Variants in AGFG2 observed in about 807,000 individuals in gnomAD.
The protein encoded by AGFG2 is arf-GAP domain and FG repeat-containing protein 2.
Under a neutral mutation model 48.0 loss-of-function variants are expected in AGFG2, and 31 were observed. The observed-to-expected ratio is 0.65, with a 90% CI of 0.49 to 0.87. The LOEUF is 0.87. AGFG2 is among the 40% of genes least tolerant of loss of function. AGFG2 has a pLI of 0.00. For synonymous variants in AGFG2, 229 were observed against 260.8 expected (o/e 0.88, Z 1.18); for missense variants, 599 against 632.6 (o/e 0.95, Z 0.57).
intron 1 of AGFG2, among the ~76,000 whole-genome samples, chr7:100,543,129 T>A (rs1174167042): frequency 6.6e-6 from 1 of 152,246 alleles, no homozygotes; most frequent in East Asian, 1.9e-4. Context: ...AGTGGTCCGA[T>A]CTTGGCTCAC....
rs1259184312 is a variant in AGFG2, at chr7:100,543,695, G to A, written c.221+4128G>A. The stretch of plus-strand genomic sequence containing the variant: ...TATGACTCTGCCTGCATCCCTGCAT[G>A]TATGAACTCATTCTTGTTCTCTCTT... On this transcript the variant is annotated intron_variant, in intron 1 of 11. Transcript: ENST00000300176. Among the ~76,000 whole-genome samples, 9 of 152,178 alleles carry A rather than the reference G, an allele frequency of 5.9e-5. No individual in the cohort carries two copies. In the South Asian group the frequency reaches 6.2e-4, roughly 11 times the overall value.
At chr7:100,554,343 C>T in intron 5 of AGFG2, 85 bp downstream of exon 5, 7 of 1,465,510 alleles carry the variant, frequency 4.8e-6, no homozygotes, top group South Asian at 1.4e-5. Flanking sequence ...AACCATGGCT[C>T]TAGATCTTCT....
intron 4 of AGFG2, 85 bp downstream of exon 4, chr7:100,553,585 A>C: frequency 6.8e-7 from 1 of 1,477,102 alleles, no homozygotes; most frequent in Non-Finnish European, 9.1e-7. Flanking sequence ...CCCCGGACTT[A>C]GCAGACAACA....
chr7:100,551,068 T>TATATATATATATATC (rs1800632184), intron 3 of AGFG2, among the ~76,000 whole-genome samples: 1 of 59,214 alleles, frequency 1.7e-5, no homozygotes. Context: ...ATATATATAT[T>TATATATATATATATC]TCTTTTTTTT....
At chr7:100,546,505 A>G (rs1751795927) in intron 1 of AGFG2, among the ~76,000 whole-genome samples, 1 of 152,240 alleles carries the variant, frequency 6.6e-6, no homozygotes, top group Non-Finnish European at 1.5e-5. Context: ...ACCCTACTGC[A>G]GTAAGAAGTA....
Position 100,565,082 on chromosome 7 carries a change from G to A in AGFG2, c.*91G>A. ...ACCACTTGCCTGTGGGCATTTCTAT[G>A]GGCCTTGGGGATGGTGGAGGTGCTA... is the stretch of plus-strand genomic sequence containing the variant. On this transcript the variant is annotated 3_prime_UTR_variant, in exon 12 of 12. Transcript: ENST00000300176. 1.2e-5 allele frequency: 17 copies of A among 1,409,056 alleles called. No individual in the cohort carries two copies. Among genetic ancestry groups the A allele is most frequent in the Non-Finnish European group, 1.5e-5 (15 of 994,444 alleles). The allele number at this position is 1,409,056 out of a possible 1,614,324, so 87.3% of individuals were successfully genotyped here.
In AGFG2 at chr7:100,539,402, A is replaced by G; in HGVS notation, c.56A>G (p.Lys19Arg). 1 of 1,306,346 alleles carries G rather than the reference A, an allele frequency of 7.7e-7. No individual in the cohort carries two copies. The highest frequency in any genetic ancestry group is 9.8e-7 in the Non-Finnish European group (1 of 1,024,628). The allele number at this position is 1,306,346 out of a possible 1,614,324, so 80.9% of individuals were successfully genotyped here. A position where few individuals can be genotyped will look rare whatever the true frequency, so the allele number is the denominator to read the frequency against. ...PGPGGGVSGGKAEAEAASEVW... is the reference protein window; with the variant it reads ...PGPGGGVSGGRAEAEAASEVW... ...CCGGGCGGCGGGGTCAGCGGGGGCAAGGCGGAGGCGGAGGCGGCCTCGGAG... is the reference window on the plus strand; with the variant it reads ...CCGGGCGGCGGGGTCAGCGGGGGCAGGGCGGAGGCGGAGGCGGCCTCGGAG... The change falls in exon 1 of 12, where the codon AAG becomes AGG. Residue 19 changes from lysine to arginine, a missense_variant. Lys to Arg is a conservative substitution (Grantham distance 26, BLOSUM62 2). Coordinates refer to ENST00000300176, the MANE Select transcript of AGFG2 (RefSeq NM_006076.5).
In AGFG2 at chr7:100,562,160, G is replaced by T; in HGVS notation, c.878-99G>T. 6.7e-7 allele frequency: 1 copy of T among 1,492,828 alleles called. No individual in the cohort carries two copies. The highest frequency in any genetic ancestry group is 1.3e-5 in the South Asian group (1 of 79,678). The allele number at this position is 1,492,828 out of a possible 1,614,324, so 92.5% of individuals were successfully genotyped here. A position where few individuals can be genotyped will look rare whatever the true frequency, so the allele number is the denominator to read the frequency against. ...ACCCAGCAGGCACCTGTCATGCCAT[G>T]ACTCCAATCCATCACCACCACCACC... On this transcript the variant is annotated intron_variant, in intron 6 of 11. Transcript: ENST00000300176. The surrounding 1 kb of genome is among the most constrained non-coding windows in gnomAD (Gnocchi z 5.4).
chr7:100,553,239 G>A, intron 3 of AGFG2, 108 bp from the exon 4 acceptor site: 1 of 1,377,904 alleles, frequency 7.3e-7, no homozygotes, highest in East Asian at 2.3e-5. Context: ...GGAATCAGTA[G>A]AGAAAAATGA....
In AGFG2 at chr7:100,556,257, G is replaced by A. The variant is rs1800757082; in HGVS notation, c.877+522G>A. On this transcript the variant is annotated intron_variant, in intron 6 of 11. Transcript: ENST00000300176. ...TTGAGCCCAGGAGTTTGAGGCTGTA[G>A]TGAGTGATTATTGTGCCATTGCACT... 10 of 195,900 alleles carry A rather than the reference G, an allele frequency of 5.1e-5. No individual in the cohort carries two copies. In the South Asian group the frequency reaches 8.3e-4, roughly 16 times the overall value. The allele number at this position is 195,900 out of a possible 1,614,324, so 12.1% of individuals were successfully genotyped here. A position where few individuals can be genotyped will look rare whatever the true frequency, so the allele number is the denominator to read the frequency against.
intron 6 of AGFG2, among the ~76,000 whole-genome samples, chr7:100,559,183 C>T (rs1055176584): frequency 5.3e-5 from 8 of 152,056 alleles, no homozygotes; most frequent in East Asian, 1.9e-4. Context: ...GGAACATTTC[C>T]GAGGATCCTG....
chr7:100,562,167 A>T lies in AGFG2; in HGVS notation c.878-92A>T. ...AGGCACCTGTCATGCCATGACTCCAATCCATCACCACCACCACCTCCATCT... is the reference window on the plus strand; with the variant it reads ...AGGCACCTGTCATGCCATGACTCCATTCCATCACCACCACCACCTCCATCT... On this transcript the variant is annotated intron_variant, in intron 6 of 11. Transcript: ENST00000300176. The surrounding 1 kb of genome is among the most constrained non-coding windows in gnomAD (Gnocchi z 5.4). 7 of 1,518,898 alleles carry T rather than the reference A, an allele frequency of 4.6e-6. No individual in the cohort carries two copies. In the Admixed American group the frequency reaches 1.3e-4, roughly 27 times the overall value. The allele number at this position is 1,518,898 out of a possible 1,614,324, so 94.1% of individuals were successfully genotyped here.
In AGFG2 at chr7:100,554,168, GC is replaced by G. The variant is rs764378309; in HGVS notation, c.663del (p.Ser222ValfsTer175). The G allele has an allele frequency of 1.5e-5, 25 of 1,614,148 alleles. No homozygotes were observed. The East Asian group carries it at 5.3e-4, about 35-fold the overall frequency. On this transcript the variant is annotated frameshift_variant, in exon 5 of 12. Coordinates refer to ENST00000300176, the MANE Select transcript of AGFG2 (RefSeq NM_006076.5). LOFTEE classifies it high-confidence loss of function. Reference protein sequence around the residue: ...QPPPHSSVKKASTDLLADIGG... With the variant: ...QPPPHSSVKKXSTDLLADIGG... The stretch of plus-strand genomic sequence containing the variant: ...ACCTCCCCACTCCTCTGTCAAAAAA[GC>G]CAGTACTGACCTGCTGGCTGACATC...
intron 2 of AGFG2, among the ~76,000 whole-genome samples, chr7:100,550,044 C>T (rs1800595920): frequency 6.6e-6 from 1 of 152,186 alleles, no homozygotes; most frequent in African/African-American, 2.4e-5. Flanking sequence ...CGCGGTGGCT[C>T]ATGCCTGTAA....
chr7:100,552,123 G>A (rs138992027), intron 3 of AGFG2, among the ~76,000 whole-genome samples: 21 of 151,616 alleles, frequency 1.4e-4, no homozygotes, highest in Non-Finnish European at 2.8e-4. Context: ...ATGGGCACCT[G>A]TAATCCGAGC....
At chr7:100,556,441 T>C (rs932570613) in intron 6 of AGFG2, 1 of 433,836 alleles carries the variant, frequency 2.3e-6, no homozygotes, top group Admixed American at 3.6e-5. Context: ...TCATAGCCTT[T>C]GGGTGCCTTC....
rs1800375662 is a variant in AGFG2, at chr7:100,539,408, A to C, written c.62A>C (p.Glu21Ala). 7.6e-7 allele frequency: 1 copy of C among 1,308,876 alleles called. No homozygotes were observed. Among genetic ancestry groups the C allele is most frequent in the Non-Finnish European group, 9.7e-7 (1 of 1,025,706 alleles). The allele number at this position is 1,308,876 out of a possible 1,614,324, so 81.1% of individuals were successfully genotyped here. A position where few individuals can be genotyped will look rare whatever the true frequency, so the allele number is the denominator to read the frequency against. ...GGCGGGGTCAGCGGGGGCAAGGCGG[A>C]GGCGGAGGCGGCCTCGGAGGTGTGG... ...PGGGVSGGKA[E>A]AEAASEVWCR... is the part of the protein sequence containing the mutation. Residue 21 changes from glutamate to alanine, a missense_variant, in exon 1 of 12, where the codon GAG becomes GCG. Glu to Ala is a moderately radical substitution (Grantham distance 107). Coordinates refer to ENST00000300176, the MANE Select transcript of AGFG2 (RefSeq NM_006076.5).
chr7:100,554,937 CA>C (rs749887106), intron 5 of AGFG2, among the ~76,000 whole-genome samples: 2,443 of 57,568 alleles, frequency 0.042, 31 homozygotes, highest in African/African-American at 0.14. Context: ...GACTCCGTCT[CA>C]AAAAAAAAAA....
chr7:100,555,871 G>A (rs1481781051), intron 6 of AGFG2, 136 bp downstream of exon 6: 1 of 1,247,346 alleles, frequency 8.0e-7, no homozygotes, highest in South Asian at 1.6e-5. Context: ...AGCTCCAGGA[G>A]AGGATGAGCG....
Sources: gnomAD v4.1 joint callset for allele counts (sites outside exome capture counted in the v4.1 genomes callset) on GRCh38, gnomAD v4.1.1 for gene constraint, Gnocchi (gnomAD v3.1) non-coding constraint, MANE v1.5 for transcripts, NCBI Gene and HGNC (gene_info 2026-07-23, HGNC 2026-07-21) for gene names.